The following SYNJ2 variants were observed in gnomAD, a reference collection of about 807,000 sequenced individuals.
SYNJ2 encodes synaptojanin 2, also known as polyphosphatidylinositol phosphatase SYNJ2.
Under a neutral mutation model 141.3 loss-of-function variants are expected in SYNJ2, and 116 were observed. That is an observed-to-expected ratio of 0.82 (90% CI 0.71 to 0.96). The LOEUF (loss-of-function observed/expected upper bound fraction) is 0.96. SYNJ2 is among the 40% of genes least tolerant of loss of function. The probability of loss-of-function intolerance (pLI) is 0.00; values close to 1 mark genes in which losing one functional copy is unlikely to be tolerated. For synonymous variants in SYNJ2, 745 were observed against 777.7 expected (o/e 0.96, Z 0.70); for missense variants, 1,873 against 1,934.8 (o/e 0.97, Z 0.60).
At chr6:158,050,464 T>C (rs1257591556) in intron 5 of SYNJ2, among the ~76,000 whole-genome samples, 1 of 152,178 alleles carries the variant, frequency 6.6e-6, no homozygotes, top group Non-Finnish European at 1.5e-5. Context: ...TTCTCTGAGG[T>C]AGAAAGGTTT....
At chr6:158,004,106 C>G (rs569606279) in intron 1 of SYNJ2, among the ~76,000 whole-genome samples, 2 of 152,196 alleles carry the variant, frequency 1.3e-5, no homozygotes, top group Admixed American at 1.3e-4. Flanking sequence ...ATTACCTTGC[C>G]GAAAGGGAAC....
intron 15 of SYNJ2, among the ~76,000 whole-genome samples, chr6:158,073,789 A>G (rs1016229987): frequency 1.3e-5 from 2 of 151,980 alleles, no homozygotes; most frequent in Admixed American, 6.6e-5. Context: ...AATGCCTCAT[A>G]TTATAGGAGA....
At chr6:157,992,537 A>T (rs929775934) in intron 1 of SYNJ2, among the ~76,000 whole-genome samples, 5 of 150,466 alleles carry the variant, frequency 3.3e-5, no homozygotes, top group African/African-American at 1.2e-4. Context: ...AGCTGGGATT[A>T]CAGGCACCCA....
chr6:158,063,251 G>A (rs1161615667), intron 8 of SYNJ2, among the ~76,000 whole-genome samples: 4 of 152,060 alleles, frequency 2.6e-5, no homozygotes, highest in Non-Finnish European at 4.4e-5. Context: ...AACGTAAAAC[G>A]ACCCAGCTGT....
intron 5 of SYNJ2, among the ~76,000 whole-genome samples, chr6:158,051,758 G>T (rs1355771808): frequency 6.7e-6 from 1 of 149,756 alleles, no homozygotes; most frequent in Non-Finnish European, 1.5e-5. Context: ...ACCAACGTGG[G>T]CAGCATGGCG....
intron 5 of SYNJ2, among the ~76,000 whole-genome samples, chr6:158,047,765 C>T (rs141672664): frequency 9.1e-5 from 7 of 76,708 alleles, no homozygotes; most frequent in Admixed American, 2.0e-4. Context: ...CAACAGAGTG[C>T]GACTCTGTCA....
chr6:158,056,799 AC>A (rs1001316303), intron 6 of SYNJ2, among the ~76,000 whole-genome samples: 1 of 152,170 alleles, frequency 6.6e-6, no homozygotes, highest in African/African-American at 2.4e-5. Flanking sequence ...AAACCTTCAC[AC>A]AGATAGTTTT....
chr6:158,031,702 G>A (rs2128337840), intron 3 of SYNJ2, among the ~76,000 whole-genome samples: 1 of 152,316 alleles, frequency 6.6e-6, no homozygotes, highest in East Asian at 1.9e-4. Flanking sequence ...GAGCAGCAGG[G>A]TGAAGTCATC....
intron 24 of SYNJ2, 31 bp downstream of exon 24, chr6:158,088,803 A>G: frequency 6.6e-7 from 1 of 1,519,400 alleles, no homozygotes; most frequent in South Asian, 1.1e-5. Context: ...TTCAATCCCA[A>G]GGGTTTTGCC....
chr6:158,094,220 G>A (rs937713379), intron 26 of SYNJ2: 27 of 468,950 alleles, frequency 5.8e-5, no homozygotes, highest in African/African-American at 5.1e-4. Context: ...TTTTTCCTCC[G>A]CCTCTTCCCT....
At position 158,098,457 on chromosome 6, in the gene SYNJ2, C is replaced by T. The variant is rs1014696572; in HGVS notation, c.*2093C>T. On this transcript the variant is annotated 3_prime_UTR_variant, in exon 27 of 27. Coordinates refer to ENST00000355585, the MANE Select transcript of SYNJ2 (RefSeq NM_003898.4). ...GTTTAAGAGTTAAATATTATTTGAT[C>T]GTGGCTGTCAAATTTAGTGAACAAC... The T allele has an allele frequency of 4.0e-5, 6 of 150,882 alleles. No homozygotes were observed. The highest frequency in any genetic ancestry group is 7.3e-5 in the African/African-American group (3 of 40,870). The allele number at this position is 150,882 out of a possible 1,614,324, so 9.3% of individuals were successfully genotyped here.
intron 5 of SYNJ2, among the ~76,000 whole-genome samples, chr6:158,053,274 C>A (rs1236207675): frequency 6.6e-6 from 1 of 152,122 alleles, no homozygotes; most frequent in Non-Finnish European, 1.5e-5. Context: ...TCTCCACTTA[C>A]GGTTAATATG....
intron 1 of SYNJ2, among the ~76,000 whole-genome samples, chr6:157,989,646 T>TG (rs1322184671): frequency 6.6e-6 from 1 of 151,890 alleles, no homozygotes; most frequent in Admixed American, 6.6e-5. Flanking sequence ...CCCACGCTCC[T>TG]GGGGGCAGAG....
chr6:158,092,006 T>G (rs1783490393), intron 25 of SYNJ2, among the ~76,000 whole-genome samples: 3 of 151,746 alleles, frequency 2.0e-5, no homozygotes, highest in Admixed American at 6.6e-5. Flanking sequence ...TGGAGTTAGA[T>G]CGTATGATGG....
At position 158,086,924 on chromosome 6, in the gene SYNJ2, G is replaced by A; in HGVS notation, c.3278G>A (p.Ser1093Asn). 4 of 1,609,058 alleles carry A rather than the reference G, an allele frequency of 2.5e-6. No individual in the cohort carries two copies. The South Asian group carries it at 3.3e-5, about 13-fold the overall frequency. The change falls in exon 23 of 27, where the codon AGC becomes AAC. Residue 1093 changes from serine to asparagine, a missense_variant. Physicochemically the swap from Ser to Asn is conservative, Grantham distance 46 (BLOSUM62 1). Coordinates refer to ENST00000355585, the MANE Select transcript of SYNJ2 (RefSeq NM_003898.4). ...GGGGAGTTCCGCCACCGTTCTCCGA[G>A]CAGGTCTCTGTCGGTCCCCAACCGG... ...AVGEFRHRSPSRSLSVPNRPR... is the reference protein window; with the variant it reads ...AVGEFRHRSPNRSLSVPNRPR...
chr6:157,987,724 A>G (rs1231194907), intron 1 of SYNJ2, among the ~76,000 whole-genome samples: 3 of 152,238 alleles, frequency 2.0e-5, no homozygotes, highest in Non-Finnish European at 4.4e-5. Context: ...TAGGGAGAAC[A>G]TTTGAAATTT....
chr6:158,037,505 C>T (rs1779703367), intron 4 of SYNJ2, among the ~76,000 whole-genome samples: 1 of 151,194 alleles, frequency 6.6e-6, no homozygotes, highest in Non-Finnish European at 1.5e-5. Context: ...GGGTTCACAC[C>T]ATTCTCCTGC....
At chr6:158,032,865 A>G (rs946836205) in intron 3 of SYNJ2, among the ~76,000 whole-genome samples, 3 of 152,220 alleles carry the variant, frequency 2.0e-5, no homozygotes, top group Non-Finnish European at 4.4e-5. Flanking sequence ...GAGAGGGAAT[A>G]CTTGAACTTT....
intron 1 of SYNJ2, among the ~76,000 whole-genome samples, chr6:158,004,756 G>C (rs1450402083): frequency 6.6e-6 from 1 of 152,068 alleles, no homozygotes; most frequent in East Asian, 1.9e-4. Flanking sequence ...TCTGGATCGG[G>C]ACCCCTTTCC....
Sources: allele counts gnomAD v4.1 joint callset (sites outside exome capture counted in the v4.1 genomes callset), GRCh38; gene constraint gnomAD v4.1.1; transcripts MANE v1.5; gene names NCBI Gene and HGNC (gene_info 2026-07-23, HGNC 2026-07-21).